The following PGM5 variants were observed in gnomAD, a reference collection of about 807,000 sequenced individuals.
PGM5 encodes the protein phosphoglucomutase 5.
PGM5 carries 23 observed loss-of-function variants against 59.2 expected under a neutral mutation model. That is an observed-to-expected ratio of 0.39 (90% CI 0.28 to 0.55). The LOEUF is 0.55. Among genes scored for constraint, PGM5 ranks in the 20% least tolerant of loss-of-function variants. PGM5 has a pLI of 0.66. For synonymous variants in PGM5, 214 were observed against 286.0 expected, an observed-to-expected ratio of 0.75 and a Z score of 2.54; for missense variants, 574 against 748.3, an observed-to-expected ratio of 0.77 and a Z score of 2.72.
chr9:68,479,363 C>CT, intron 7 of PGM5, 55 bp from the exon 8 acceptor site: 1 of 1,543,438 alleles, frequency 6.5e-7, no homozygotes, highest in Non-Finnish European at 8.8e-7. Context: ...ATTCATTTAG[C>CT]TTTTGCTTTG....
rs146916454 is a variant in PGM5, at chr9:68,513,598, C to T, written c.1614+14237C>T. On this transcript the variant is annotated intron_variant, in intron 10 of 10. Coordinates refer to ENST00000396396, the MANE Select transcript of PGM5 (RefSeq NM_021965.4). ...TGCATGTCCCTGTGAATGGGGCTTCCGGGAGCTGATAACAAGGTTCTAGTG... is the reference window on the plus strand; with the variant it reads ...TGCATGTCCCTGTGAATGGGGCTTCTGGGAGCTGATAACAAGGTTCTAGTG... Among the ~76,000 whole-genome samples the T allele has an allele frequency of 1.6e-4, 25 of 152,252 alleles. No individual in the cohort carries two copies. The East Asian group carries it at 3.9e-3, about 23-fold the overall frequency.
chr9:68,514,820 A>G (rs753982228), intron 10 of PGM5, among the ~76,000 whole-genome samples: 4 of 152,194 alleles, frequency 2.6e-5, no homozygotes, highest in Non-Finnish European at 5.9e-5. Context: ...GGAAAATCAT[A>G]AAGCATGCAG....
chr9:68,407,618 T>G (rs1288888284), intron 6 of PGM5, among the ~76,000 whole-genome samples: 3 of 152,234 alleles, frequency 2.0e-5, no homozygotes, highest in Non-Finnish European at 2.9e-5. Context: ...CTCTGTATGC[T>G]GGCCAAAAGC....
chr9:68,469,220 A>G (rs144885522), intron 7 of PGM5, among the ~76,000 whole-genome samples: 481 of 152,342 alleles, frequency 3.2e-3, no homozygotes, highest in Middle Eastern at 0.01. Context: ...GCCGGCCACT[A>G]TTACTTTTTA....
At chr9:68,380,110 C>A (rs1236237487) in intron 2 of PGM5, among the ~76,000 whole-genome samples, 1 of 151,474 alleles carries the variant, frequency 6.6e-6, no homozygotes, top group East Asian at 1.9e-4. Context: ...ATGGACCTAC[C>A]AAACCTACAT....
chr9:68,510,303 C>T (rs1370507162), intron 10 of PGM5, among the ~76,000 whole-genome samples: 2 of 151,960 alleles, frequency 1.3e-5, no homozygotes, highest in African/African-American at 4.8e-5. Context: ...ACGCACCCGC[C>T]ACCACGCCCG....
intron 6 of PGM5, among the ~76,000 whole-genome samples, chr9:68,422,908 T>C (rs919261216): frequency 1.8e-4 from 27 of 152,256 alleles, no homozygotes; most frequent in African/African-American, 4.8e-4. Flanking sequence ...CCAAAGTCCA[T>C]TGTGTCATTC....
At chr9:68,448,810 T>C (rs1823652689) in intron 6 of PGM5, among the ~76,000 whole-genome samples, 1 of 152,090 alleles carries the variant, frequency 6.6e-6, no homozygotes, top group Non-Finnish European at 1.5e-5. Context: ...GACAGCATAG[T>C]GTGAAAGGTG....
Position 68,357,208 on chromosome 9 carries a change from G to A in PGM5, c.81G>A (p.Leu27=), listed in dbSNP as rs1159554931. 4 of 1,540,204 alleles carry A rather than the reference G, an allele frequency of 2.6e-6. No individual in the cohort carries two copies. The highest frequency in any genetic ancestry group is 3.5e-6 in the Non-Finnish European group (4 of 1,145,834). ...EDQRPAGGGG[L]RRPTGLFEGQ... is the part of the protein sequence containing the mutation. ...AGCGGCCGGCCGGCGGCGGGGGTCT[G>A]CGGCGACCCACCGGCCTCTTCGAGG... Residue 27 remains leucine (L), a synonymous_variant, in exon 1 of 11, where the codon CTG becomes CTA. Coordinates refer to ENST00000396396, the MANE Select transcript of PGM5 (RefSeq NM_021965.4).
intron 6 of PGM5, among the ~76,000 whole-genome samples, chr9:68,421,964 G>T (rs972725160): frequency 2.0e-5 from 3 of 151,024 alleles, no homozygotes; most frequent in Admixed American, 6.6e-5. Context: ...AAAATGAAGA[G>T]AAAAAAGCAA....
intron 6 of PGM5, among the ~76,000 whole-genome samples, chr9:68,407,164 T>C (rs190730615): frequency 2.2e-4 from 33 of 152,276 alleles, no homozygotes; most frequent in Admixed American, 1.6e-3. Flanking sequence ...AAGGGGTCTG[T>C]CTGTTGCCTA....
chr9:68,451,795 G>T (rs1036360333), intron 6 of PGM5, among the ~76,000 whole-genome samples: 2 of 152,182 alleles, frequency 1.3e-5, no homozygotes, highest in Non-Finnish European at 2.9e-5. Context: ...CTGAATTCAG[G>T]TGAGGCCAAT....
chr9:68,436,707 CTTGAG>C (rs1220141514), intron 6 of PGM5, among the ~76,000 whole-genome samples: 1 of 152,176 alleles, frequency 6.6e-6, no homozygotes, highest in Non-Finnish European at 1.5e-5. Flanking sequence ...TTCAAGGTTA[CTTGAG>C]TTGAGGCTTT....
chr9:68,403,702 A>G (rs1302541619), intron 6 of PGM5, among the ~76,000 whole-genome samples: 1 of 152,160 alleles, frequency 6.6e-6, no homozygotes, highest in Non-Finnish European at 1.5e-5. Context: ...TAATCTCTTC[A>G]CTATTCCTTA....
rs1350405064 is a variant in PGM5, at chr9:68,437,599, A to T, written c.1044-27494A>T. ...CACTCACACACACACACACACACACACTCTCACACATTTTACCCACACATG... is the reference window on the plus strand; with the variant it reads ...CACTCACACACACACACACACACACTCTCTCACACATTTTACCCACACATG... On this transcript the variant is annotated intron_variant, in intron 6 of 10. Coordinates refer to ENST00000396396, the MANE Select transcript of PGM5 (RefSeq NM_021965.4). This position sits in a 1 kb window ranked among gnomAD's most constrained non-coding sequence, Gnocchi z 4.1. Among the ~76,000 whole-genome samples, 4 of 151,028 alleles carry T rather than the reference A, an allele frequency of 2.6e-5. No individual in the cohort carries two copies. Among genetic ancestry groups the T allele is most frequent in the East Asian group, 1.9e-4 (1 of 5,158 alleles).
At chr9:68,493,152 A>G (rs552280887) in intron 9 of PGM5, among the ~76,000 whole-genome samples, 93 of 152,316 alleles carry the variant, frequency 6.1e-4, no homozygotes, top group African/African-American at 2.2e-3. Context: ...GGTAATGTAC[A>G]GTTCACCCTT....
intron 6 of PGM5, among the ~76,000 whole-genome samples, chr9:68,424,457 C>G (rs1172036572): frequency 6.6e-6 from 1 of 152,108 alleles, no homozygotes; most frequent in East Asian, 1.9e-4. Flanking sequence ...TTTATAAGGG[C>G]TCTAATCTCA....
intron 5 of PGM5, among the ~76,000 whole-genome samples, 158 bp downstream of exon 5, chr9:68,391,882 T>C (rs1181919660): frequency 6.6e-6 from 1 of 152,176 alleles, no homozygotes; most frequent in Non-Finnish European, 1.5e-5. Context: ...GACTAAGTAT[T>C]GCAATTAAAT....
chr9:68,466,858 T>C (rs1178083632), intron 7 of PGM5, among the ~76,000 whole-genome samples: 1 of 152,178 alleles, frequency 6.6e-6, no homozygotes, highest in African/African-American at 2.4e-5. Flanking sequence ...GGTCTTAAAC[T>C]TTCCCTGGTA....
Sources: allele counts gnomAD v4.1 joint callset (sites outside exome capture counted in the v4.1 genomes callset), GRCh38; gene constraint gnomAD v4.1.1; non-coding constraint Gnocchi (gnomAD v3.1); transcripts MANE v1.5; gene names NCBI Gene and HGNC (gene_info 2026-07-23, HGNC 2026-07-21).